PTPN12: variants seen among roughly 807,000 people sequenced by gnomAD.
PTPN12 encodes the protein protein tyrosine phosphatase non-receptor type 12.
PTPN12 carries 29 observed loss-of-function variants against 97.6 expected under a neutral mutation model. The observed-to-expected ratio is 0.30, with a 90% CI of 0.22 to 0.41. The LOEUF (loss-of-function observed/expected upper bound fraction) is 0.41. Ranked by LOEUF, PTPN12 falls within the 10% of genes least tolerant of loss-of-function variation. The probability of loss-of-function intolerance (pLI) is 1.00; values close to 1 mark genes in which losing one functional copy is unlikely to be tolerated. For missense variants in PTPN12, 819 were observed against 926.0 expected, an observed-to-expected ratio of 0.88 and a Z score of 1.50; for synonymous variants, 327 against 300.4, an observed-to-expected ratio of 1.09 and a Z score of -0.91.
intron 12 of PTPN12, among the ~76,000 whole-genome samples, 156 bp downstream of exon 12, chr7:77,618,721 G>C (rs1300603349): frequency 1.3e-5 from 2 of 151,962 alleles, no homozygotes; most frequent in Non-Finnish European, 2.9e-5. Flanking sequence ...ATTTGTTACT[G>C]GTTTATTAAA....
chr7:77,611,174 T>C (rs1022054655), intron 11 of PTPN12, 128 bp downstream of exon 11: 21 of 670,950 alleles, frequency 3.1e-5, no homozygotes, highest in South Asian at 2.0e-4. Flanking sequence ...TTAACATTTT[T>C]ACTTAAACTC....
chr7:77,638,534 A>G (rs1186562571), intron 16 of PTPN12, 90 bp from the exon 17 acceptor site: 1 of 1,357,030 alleles, frequency 7.4e-7, no homozygotes, highest in Non-Finnish European at 9.5e-7. Flanking sequence ...TTCTCTTTTC[A>G]TGCTTGCCAA....
At chr7:77,573,082 C>CAAGAAAA (rs1263973314) in intron 2 of PTPN12, among the ~76,000 whole-genome samples, 1 of 36,386 alleles carries the variant, frequency 2.7e-5, no homozygotes. Context: ...GACTCTATCT[C>CAAGAAAA]AAAAAAAAAA....
chr7:77,634,573 G>A (rs1789520261), intron 14 of PTPN12, among the ~76,000 whole-genome samples: 1 of 151,712 alleles, frequency 6.6e-6, no homozygotes, highest in African/African-American at 2.4e-5. Flanking sequence ...CCATGTAGCT[G>A]GGACTACAGG....
Position 77,627,312 on chromosome 7 carries a change from A to C in PTPN12, c.1633A>C (p.Ile545Leu), listed in dbSNP as rs778426092. The C allele has an allele frequency of 6.2e-7, 1 of 1,614,206 alleles. No individual in the cohort carries two copies. Among genetic ancestry groups the C allele is most frequent in the South Asian group, 1.1e-5 (1 of 91,086 alleles). Reference sequence around the variant, plus strand: ...GTCATTTCATGGACCTGAAAATGCCATACCCATACCTGATTTATCTGAAGG... The same window carrying C: ...GTCATTTCATGGACCTGAAAATGCCCTACCCATACCTGATTTATCTGAAGG... ...TWSFHGPENA[I>L]PIPDLSEGNS... Residue 545 changes from isoleucine to leucine, a missense_variant, in exon 13 of 18, where the codon ATA becomes CTA. Ile to Leu is a conservative substitution (Grantham distance 5). Coordinates refer to ENST00000248594, the MANE Select transcript of PTPN12 (RefSeq NM_002835.4).
At chr7:77,601,060 T>C (rs1452764266) in intron 8 of PTPN12, 2 of 350,858 alleles carry the variant, frequency 5.7e-6, no homozygotes, top group African/African-American at 4.2e-5. Context: ...ATACTCTTTT[T>C]ACTGTTCACT....
At chr7:77,561,823 G>T (rs1201217245) in intron 1 of PTPN12, among the ~76,000 whole-genome samples, 1 of 151,244 alleles carries the variant, frequency 6.6e-6, no homozygotes, top group Non-Finnish European at 1.5e-5. Flanking sequence ...ACAGAGTCTT[G>T]CTCTGTCGCC....
At chr7:77,556,116 A>G (rs1562709182) in intron 1 of PTPN12, among the ~76,000 whole-genome samples, 1 of 152,132 alleles carries the variant, frequency 6.6e-6, no homozygotes, top group Non-Finnish European at 1.5e-5. Flanking sequence ...GCTGGAGTGC[A>G]GTGATACAAT....
Position 77,583,572 on chromosome 7 carries a change from A to G in PTPN12, c.303A>G (p.Lys101=), listed in dbSNP as rs1787591291. Reference sequence around the variant, plus strand: ...ATTTTTAGGGCGTCTATGGGCCAAAAGCATATGTAGCAACTCAAGGACCTT... The same window carrying G: ...ATTTTTAGGGCGTCTATGGGCCAAAGGCATATGTAGCAACTCAAGGACCTT... ...ANFIKGVYGP[K]AYVATQGPLA... Residue 101 remains lysine, a synonymous_variant, in exon 4 of 18, where the codon AAA becomes AAG. Transcript: ENST00000248594. The G allele has an allele frequency of 6.2e-7, 1 of 1,608,722 alleles. No individual in the cohort carries two copies. Among genetic ancestry groups the G allele is most frequent in the Non-Finnish European group, 8.5e-7 (1 of 1,178,018 alleles).
At position 77,626,845 on chromosome 7, in the gene PTPN12, C is replaced by G; in HGVS notation, c.1166C>G (p.Pro389Arg). Residue 389 changes from proline (P) to arginine (R), a missense_variant, in exon 13 of 18, where the codon CCA becomes CGA. This residue lies in a region of PTPN12 where 607 missense variants were observed against 577.3 expected (regional missense o/e 1.05). Transcript: ENST00000248594. The stretch of plus-strand genomic sequence containing the variant: ...TGGCAGGACAATGATAGATACCATC[C>G]AAAGCCAGTGTTGCATATGGTTTCA... ...TVWQDNDRYH[P>R]KPVLHMVSSE... is the part of the protein sequence containing the mutation. The G allele has an allele frequency of 1.9e-6, 3 of 1,613,904 alleles. No homozygotes were observed. Among genetic ancestry groups the G allele is most frequent in the Non-Finnish European group, 1.7e-6 (2 of 1,179,856 alleles).
At chr7:77,608,456 C>T (rs182443669) in intron 9 of PTPN12, among the ~76,000 whole-genome samples, 144 of 152,186 alleles carry the variant, frequency 9.5e-4, no homozygotes, top group African/African-American at 3.2e-3. Flanking sequence ...TAAGATACAG[C>T]CTTCATTATA....
intron 5 of PTPN12, among the ~76,000 whole-genome samples, chr7:77,586,697 C>G (rs1217399603): frequency 1.3e-5 from 2 of 152,184 alleles, no homozygotes; most frequent in Non-Finnish European, 2.9e-5. Flanking sequence ...GCTGTTCTAC[C>G]CACAGTAGAA....
At position 77,625,472 on chromosome 7, in the gene PTPN12, G is replaced by GCTCGCGCTCTCTCTCT; in HGVS notation, c.1026-1230_1026-1229insGCGCTCTCTCTCTCTC. Among the ~76,000 whole-genome samples, 271 of 33,516 alleles carry GCTCGCGCTCTCTCTCT rather than the reference G, an allele frequency of 8.1e-3. 50 individuals are homozygous for GCTCGCGCTCTCTCTCT. Among genetic ancestry groups the GCTCGCGCTCTCTCTCT allele is most frequent in the East Asian group, 0.042 (37 of 884 alleles). The allele number at this position is 33,516 out of a possible 152,430, so 22.0% of individuals were successfully genotyped here. A position where few individuals can be genotyped will look rare whatever the true frequency, so the allele number is the denominator to read the frequency against. On this transcript the variant is annotated intron_variant, in intron 12 of 17. Coordinates refer to ENST00000248594, the MANE Select transcript of PTPN12 (RefSeq NM_002835.4). ...TTTTGCCATATTGCCCAGGCTGCTCGCTCTCTCTCTCTCTCTCTCTCTCTC... is the reference window on the plus strand; with the variant it reads ...TTTTGCCATATTGCCCAGGCTGCTCGCTCGCGCTCTCTCTCTCTCTCTCTCTCTCTCTCTCTCTCTC...
chr7:77,627,049 A>G lies in PTPN12; in HGVS notation c.1370A>G (p.Asn457Ser), dbSNP rs781276781. The G allele has an allele frequency of 5.6e-6, 9 of 1,613,468 alleles. No individual in the cohort carries two copies. The highest frequency in any genetic ancestry group is 7.6e-6 in the Non-Finnish European group (9 of 1,179,730). ...PKSFDGNTLL[N>S]RGHAIKIKSA... The stretch of plus-strand genomic sequence containing the variant: ...AGTTTTGATGGGAACACACTTTTGA[A>G]TAGGGGACATGCAATTAAAATTAAA... Residue 457 changes from asparagine (N) to serine (S), a missense_variant, in exon 13 of 18, where the codon AAT (asparagine) becomes AGT (serine). Coordinates refer to ENST00000248594, the MANE Select transcript of PTPN12 (RefSeq NM_002835.4).
chr7:77,605,681 A>G (rs1030864338), intron 8 of PTPN12, among the ~76,000 whole-genome samples: 5 of 150,892 alleles, frequency 3.3e-5, no homozygotes, highest in Non-Finnish European at 7.4e-5. Context: ...TTGGCCTCCC[A>G]TTGTGTTGGG....
At chr7:77,587,085 C>T (rs972145632) in intron 5 of PTPN12, among the ~76,000 whole-genome samples, 2 of 151,892 alleles carry the variant, frequency 1.3e-5, no homozygotes, top group Non-Finnish European at 2.9e-5. Context: ...CTTGATATTT[C>T]GACCTCCTCC....
intron 11 of PTPN12, among the ~76,000 whole-genome samples, chr7:77,616,355 C>A (rs1788750862): frequency 6.6e-6 from 1 of 152,094 alleles, no homozygotes; most frequent in African/African-American, 2.4e-5. Context: ...TATTACCCTT[C>A]TACTTTTTTT....
chr7:77,626,082 T>TA (rs1342420391), intron 12 of PTPN12, among the ~76,000 whole-genome samples: 1 of 152,126 alleles, frequency 6.6e-6, no homozygotes, highest in Admixed American at 6.6e-5. Flanking sequence ...TATTGATACT[T>TA]ACTATGTGTG....
chr7:77,634,665 T>C (rs948068374), intron 14 of PTPN12, among the ~76,000 whole-genome samples: 1 of 151,764 alleles, frequency 6.6e-6, no homozygotes, highest in Non-Finnish European at 1.5e-5. Context: ...GGATGGTCCA[T>C]CTCCTGACCT....
Sources: gnomAD v4.1 joint callset for allele counts (sites outside exome capture counted in the v4.1 genomes callset) on GRCh38, gnomAD v4.1.1 for gene constraint, gnomAD v4.1.1 regional missense constraint, MANE v1.5 for transcripts, NCBI Gene and HGNC (gene_info 2026-07-23, HGNC 2026-07-21) for gene names.